CNTNAP5: variants seen among roughly 807,000 people sequenced by gnomAD.
CNTNAP5 encodes contactin-associated protein-like 5.
In CNTNAP5, 72 loss-of-function variants were observed where a neutral mutation model predicts 150.2. That is an observed-to-expected ratio of 0.48 (90% CI 0.40 to 0.58). The LOEUF (loss-of-function observed/expected upper bound fraction) is 0.58, where lower values mean the gene tolerates loss of function less well. Among genes scored for constraint, CNTNAP5 ranks in the 20% least tolerant of loss-of-function variants. The pLI is 0.00. For synonymous variants in CNTNAP5, 672 were observed against 619.8 expected (o/e 1.08, Z -1.25); for missense variants, 1,636 against 1,626.2 (o/e 1.01, Z -0.10).
At chr2:124,795,346 C>T (rs1435400182) in intron 18 of CNTNAP5, among the ~76,000 whole-genome samples, 1 of 152,172 alleles carries the variant, frequency 6.6e-6, no homozygotes, top group African/African-American at 2.4e-5. Flanking sequence ...TCTCCTACTT[C>T]ATGTCACCCA....
At chr2:124,812,590 C>T (rs1426057456) in intron 19 of CNTNAP5, among the ~76,000 whole-genome samples, 1 of 152,176 alleles carries the variant, frequency 6.6e-6, no homozygotes, top group African/African-American at 2.4e-5. Context: ...CACCTGGAGG[C>T]TTCATCTGCA....
chr2:124,447,080 A>T, intron 6 of CNTNAP5, 143 bp downstream of exon 6: 1 of 750,516 alleles, frequency 1.3e-6, no homozygotes. Context: ...TCTATGCCAG[A>T]TAGTCAACAA....
At chr2:124,149,378 A>G (rs1684344873) in intron 1 of CNTNAP5, among the ~76,000 whole-genome samples, 1 of 131,794 alleles carries the variant, frequency 7.6e-6, no homozygotes, top group East Asian at 2.4e-4. Context: ...CTAGCATACC[A>G]TGTGTTCCAA....
At chr2:124,140,008 G>T (rs537630077) in intron 1 of CNTNAP5, among the ~76,000 whole-genome samples, 1 of 152,112 alleles carries the variant, frequency 6.6e-6, no homozygotes, top group Non-Finnish European at 1.5e-5. Flanking sequence ...TTCCCTTTCC[G>T]AGTCAAAGAA....
At position 124,449,102 on chromosome 2, in the gene CNTNAP5, C is replaced by T. The variant is rs572296997; in HGVS notation, c.918+2165C>T. Among the ~76,000 whole-genome samples, 5 of 152,240 alleles carry T rather than the reference C, an allele frequency of 3.3e-5. No individual in the cohort carries two copies. In the South Asian group the frequency reaches 1.0e-3, roughly 32 times the overall value. On this transcript the variant is annotated intron_variant, in intron 6 of 23. Coordinates refer to ENST00000682447, the MANE Select transcript of CNTNAP5 (RefSeq NM_001367498.1). ...TCACTATCATGAGAATAAGAGAGCT[C>T]TTTTGATCTTAACCTTAGTTTAGTA...
chr2:124,791,385 CA>C (rs1234268725), intron 18 of CNTNAP5, among the ~76,000 whole-genome samples: 2 of 152,138 alleles, frequency 1.3e-5, no homozygotes, highest in African/African-American at 2.4e-5. Context: ...AAACAGTTTC[CA>C]TTCCAGGGGC....
At chr2:124,658,495 CA>C (rs370216098) in intron 13 of CNTNAP5, among the ~76,000 whole-genome samples, 3,294 of 114,872 alleles carry the variant, frequency 0.029, 68 homozygotes, top group African/African-American at 0.071. Context: ...ACAAACAAAC[CA>C]AAAAAAAAAA....
At chr2:124,128,223 C>A (rs909507780) in intron 1 of CNTNAP5, among the ~76,000 whole-genome samples, 1 of 151,900 alleles carries the variant, frequency 6.6e-6, no homozygotes, top group African/African-American at 2.4e-5. Context: ...AGAAAAAAAT[C>A]AAACAATCCC....
rs111416717 is a variant in CNTNAP5 at position 124,458,815 on chromosome 2, T to A, written c.918+11878T>A. ...CATAAAAATACAAATGACTTTCATATGTATGAGAAGATGCTCAACCTCACT... is the reference window on the plus strand; with the variant it reads ...CATAAAAATACAAATGACTTTCATAAGTATGAGAAGATGCTCAACCTCACT... On this transcript the variant is annotated intron_variant, in intron 6 of 23. Transcript: ENST00000682447. 4.1e-4 allele frequency among the ~76,000 whole-genome samples: 62 copies of A among 152,318 alleles called. 2 individuals are homozygous for A. Among genetic ancestry groups the A allele is most frequent in the African/African-American group, 1.4e-3 (60 of 41,562 alleles).
chr2:124,758,379 A>C (rs552140032), intron 14 of CNTNAP5, among the ~76,000 whole-genome samples: 35 of 152,218 alleles, frequency 2.3e-4, no homozygotes, highest in African/African-American at 8.2e-4. Context: ...GTGCCTGATG[A>C]CATCCAAGGG....
chr2:124,865,561 C>T (rs1410363335), intron 20 of CNTNAP5, 125 bp downstream of exon 20: 43 of 867,002 alleles, frequency 5.0e-5, no homozygotes, highest in Non-Finnish European at 6.8e-5. Context: ...ATCACACTTG[C>T]CCCCAGACTT....
chr2:124,740,492 C>A (rs1262492167), intron 13 of CNTNAP5, among the ~76,000 whole-genome samples: 1 of 152,132 alleles, frequency 6.6e-6, no homozygotes, highest in African/African-American at 2.4e-5. Flanking sequence ...TTGGCACAGA[C>A]TCCAGGTGAA....
chr2:124,316,072 A>G (rs917082551), intron 3 of CNTNAP5, among the ~76,000 whole-genome samples: 2 of 152,158 alleles, frequency 1.3e-5, no homozygotes, highest in Non-Finnish European at 2.9e-5. Flanking sequence ...AACCTCAACT[A>G]CTTACCGCCC....
At chr2:124,250,421 G>A (rs749790378) in intron 3 of CNTNAP5, among the ~76,000 whole-genome samples, 2 of 152,176 alleles carry the variant, frequency 1.3e-5, no homozygotes, top group Non-Finnish European at 2.9e-5. Flanking sequence ...AAAGGTAGGT[G>A]TATGTGATGT....
At chr2:124,348,206 A>G (rs1214345611) in intron 3 of CNTNAP5, among the ~76,000 whole-genome samples, 2 of 152,188 alleles carry the variant, frequency 1.3e-5, no homozygotes, top group African/African-American at 4.8e-5. Flanking sequence ...TGATAATGTT[A>G]TAAATTATTT....
chr2:124,750,291 A>G (rs1170725997), intron 14 of CNTNAP5, among the ~76,000 whole-genome samples: 2 of 152,120 alleles, frequency 1.3e-5, no homozygotes, highest in African/African-American at 4.8e-5. Context: ...TGCCTGACTC[A>G]CTCCTGGATG....
chr2:124,164,712 G>A (rs1353187616), intron 1 of CNTNAP5, among the ~76,000 whole-genome samples: 1 of 152,076 alleles, frequency 6.6e-6, no homozygotes, highest in East Asian at 1.9e-4. Context: ...GATTACACAG[G>A]GCCACGTAAA....
intron 1 of CNTNAP5, among the ~76,000 whole-genome samples, chr2:124,055,437 G>A (rs1012503608): frequency 2.0e-5 from 3 of 152,050 alleles, no homozygotes; most frequent in Admixed American, 6.6e-5. Flanking sequence ...CTTCTTCTTG[G>A]ATAGCTTTCT....
chr2:124,627,144 A>G (rs531651067), intron 12 of CNTNAP5, among the ~76,000 whole-genome samples: 2 of 152,250 alleles, frequency 1.3e-5, no homozygotes, highest in South Asian at 4.1e-4. Context: ...AGCAGACTTA[A>G]TCTTTCCTGC....
Sources: gnomAD v4.1 joint callset for allele counts (sites outside exome capture counted in the v4.1 genomes callset) on GRCh38, gnomAD v4.1.1 for gene constraint, MANE v1.5 for transcripts, NCBI Gene and HGNC (gene_info 2026-07-23, HGNC 2026-07-21) for gene names.